The following BRINP1 variants were observed in gnomAD, a reference collection of about 807,000 sequenced individuals.
BRINP1 encodes the protein BMP/retinoic acid inducible neural specific 1.
In BRINP1, 17 loss-of-function variants were observed where a neutral mutation model predicts 72.9. That is an observed-to-expected ratio of 0.23 (90% confidence interval 0.16 to 0.35). The LOEUF is 0.35. BRINP1 is among the 10% of genes least tolerant of loss of function. The probability of loss-of-function intolerance (pLI) is 1.00; values close to 1 mark genes in which losing one functional copy is unlikely to be tolerated. For missense variants in BRINP1, 850 were observed against 1,001.6 expected (o/e 0.85, Z 2.04); for synonymous variants, 418 against 378.5 (o/e 1.10, Z -1.21).
At chr9:119,228,955 A>C (rs1461184562) in intron 5 of BRINP1, among the ~76,000 whole-genome samples, 1 of 152,140 alleles carries the variant, frequency 6.6e-6, no homozygotes, top group East Asian at 1.9e-4. Context: ...CATTGAGAAA[A>C]ATATTAATTA....
intron 2 of BRINP1, among the ~76,000 whole-genome samples, chr9:119,272,232 G>A (rs769741611): frequency 9.2e-5 from 14 of 151,778 alleles, no homozygotes; most frequent in Non-Finnish European, 1.6e-4. Context: ...GCAGGTGCCC[G>A]CCACCATGCC....
At position 119,206,344 on chromosome 9, in the gene BRINP1, T is replaced by A. The variant is rs1228172291; in HGVS notation, c.1145+2375A>T. Among the ~76,000 whole-genome samples the A allele has an allele frequency of 5.7e-5, 8 of 141,096 alleles. No homozygotes were observed. The East Asian group carries it at 1.7e-3, about 30-fold the overall frequency. 92.6% of individuals were successfully genotyped at this position (141,096 alleles called of 152,430 possible). Reference sequence around the variant, plus strand: ...GCTGAGCAGGAGAATCGCTTGAACCTGGGAGACGGAGGTTGCAGTGAACCA... The same window carrying A: ...GCTGAGCAGGAGAATCGCTTGAACCAGGGAGACGGAGGTTGCAGTGAACCA... On this transcript the variant is annotated intron_variant, in intron 7 of 7. Transcript: ENST00000265922.
intron 7 of BRINP1, among the ~76,000 whole-genome samples, chr9:119,175,933 G>C (rs1348212419): frequency 1.3e-5 from 2 of 152,176 alleles, no homozygotes; most frequent in Non-Finnish European, 2.9e-5. Flanking sequence ...GTCAGAGACA[G>C]CTGAAAATCC....
chr9:119,307,683 A>G (rs1831012947), intron 2 of BRINP1, among the ~76,000 whole-genome samples: 1 of 152,252 alleles, frequency 6.6e-6, no homozygotes, highest in Non-Finnish European at 1.5e-5. Flanking sequence ...CAAAGAAGCA[A>G]TACGCAAGCT....
intron 7 of BRINP1, among the ~76,000 whole-genome samples, chr9:119,206,114 C>G (rs1829851040): frequency 6.6e-6 from 1 of 151,988 alleles, no homozygotes; most frequent in African/African-American, 2.4e-5. Context: ...AACTGGTATC[C>G]TCTTAAGAGA....
chr9:119,279,593 C>T (rs1014340845), intron 2 of BRINP1, among the ~76,000 whole-genome samples: 1 of 152,180 alleles, frequency 6.6e-6, no homozygotes, highest in African/African-American at 2.4e-5. Flanking sequence ...TCAGAGGTAG[C>T]CAAAGCCTCG....
At chr9:119,240,256 G>A (rs765963023) in intron 4 of BRINP1, among the ~76,000 whole-genome samples, 3 of 152,064 alleles carry the variant, frequency 2.0e-5, no homozygotes, top group South Asian at 2.1e-4. Flanking sequence ...GTAACAGAGC[G>A]AGTCTCCATC....
chr9:119,352,552 T>C (rs1344615333), intron 1 of BRINP1, among the ~76,000 whole-genome samples: 2 of 152,054 alleles, frequency 1.3e-5, no homozygotes, highest in African/African-American at 2.4e-5. Flanking sequence ...GAATTACAGA[T>C]GTGCACCACC....
intron 5 of BRINP1, among the ~76,000 whole-genome samples, chr9:119,237,533 T>C (rs1830204207): frequency 6.6e-6 from 1 of 151,838 alleles, no homozygotes; most frequent in Admixed American, 6.6e-5. Context: ...TGGCTAACTT[T>C]TTGTATTTTT....
chr9:119,325,445 T>TC, intron 1 of BRINP1, among the ~76,000 whole-genome samples: 1 of 152,332 alleles, frequency 6.6e-6, no homozygotes, highest in East Asian at 1.9e-4. Flanking sequence ...CATTTCCACA[T>TC]CCTGTCAATT....
chr9:119,241,951 C>G, intron 4 of BRINP1, 96 bp downstream of exon 4: 1 of 1,368,406 alleles, frequency 7.3e-7, no homozygotes, highest in Non-Finnish European at 1.0e-6. Context: ...TGGTTATGAA[C>G]CCAGAAATTA....
intron 2 of BRINP1, among the ~76,000 whole-genome samples, chr9:119,256,771 G>A (rs148421484): frequency 3.3e-5 from 5 of 152,204 alleles, no homozygotes; most frequent in East Asian, 3.9e-4. Flanking sequence ...AGCAGTCTTG[G>A]GTCTATAGGG....
intron 1 of BRINP1, among the ~76,000 whole-genome samples, chr9:119,353,403 A>G (rs902517988): frequency 6.6e-6 from 1 of 152,214 alleles, no homozygotes; most frequent in Non-Finnish European, 1.5e-5. Context: ...ATCCAGTGAT[A>G]TATGAATGAT....
chr9:119,208,465 A>G (rs1443155164), intron 7 of BRINP1, among the ~76,000 whole-genome samples: 1 of 152,176 alleles, frequency 6.6e-6, no homozygotes, highest in Non-Finnish European at 1.5e-5. Flanking sequence ...TCCCCTCCTC[A>G]ATCAGGTGAA....
chr9:119,274,378 C>A (rs1830633943), intron 2 of BRINP1, among the ~76,000 whole-genome samples: 1 of 152,162 alleles, frequency 6.6e-6, no homozygotes. Context: ...GTAGAAAAAA[C>A]AAAATGAAGA....
chr9:119,297,756 G>T (rs1186309084), intron 2 of BRINP1, among the ~76,000 whole-genome samples: 1 of 151,976 alleles, frequency 6.6e-6, no homozygotes. Flanking sequence ...TAATTATACG[G>T]TAAGACAATT....
chr9:119,216,966 C>T (rs755040768), intron 5 of BRINP1, among the ~76,000 whole-genome samples: 3 of 152,116 alleles, frequency 2.0e-5, no homozygotes, highest in East Asian at 1.9e-4. Flanking sequence ...CAGAACATGC[C>T]GAGCTGTCTT....
chr9:119,231,066 T>C (rs1000915580), intron 5 of BRINP1, among the ~76,000 whole-genome samples: 2 of 152,078 alleles, frequency 1.3e-5, no homozygotes, highest in African/African-American at 2.4e-5. Context: ...CACACCACTG[T>C]TTTATGTATA....
chr9:119,185,768 C>T (rs1473057946), intron 7 of BRINP1, among the ~76,000 whole-genome samples: 1 of 152,184 alleles, frequency 6.6e-6, no homozygotes, highest in Non-Finnish European at 1.5e-5. Context: ...GCCCTGAGCC[C>T]AGTTTAGGGA....
Sources: gnomAD v4.1 joint callset for allele counts (sites outside exome capture counted in the v4.1 genomes callset) on GRCh38, gnomAD v4.1.1 for gene constraint, MANE v1.5 for transcripts, NCBI Gene and HGNC (gene_info 2026-07-23, HGNC 2026-07-21) for gene names.